CUX1: variants seen among roughly 807,000 people sequenced by gnomAD.
The protein encoded by CUX1 is protein CASP.
CUX1 carries 31 observed loss-of-function variants against 158.8 expected under a neutral mutation model. The ratio of observed to expected loss-of-function variants is 0.20; its 90% CI spans 0.15 to 0.26. The LOEUF is 0.26. Ranked by LOEUF, CUX1 falls within the 10% of genes least tolerant of loss-of-function variation. The pLI is 1.00. For synonymous variants in CUX1, 879 were observed against 862.1 expected, an observed-to-expected ratio of 1.02 and a Z score of -0.34; for missense variants, 1,589 against 2,014.6, an observed-to-expected ratio of 0.79 and a Z score of 4.04.
At chr7:102,142,974 C>A (rs1031759916) in intron 8 of CUX1, among the ~76,000 whole-genome samples, 1 of 152,042 alleles carries the variant, frequency 6.6e-6, no homozygotes, top group African/African-American at 2.4e-5. Flanking sequence ...AAGTAACAAC[C>A]GGTCCCCATT....
Position 102,225,596 on chromosome 7 carries a change from G to GCTC in CUX1, c.3131-1768_3131-1766dup, listed in dbSNP as rs199910681. On this transcript the variant is annotated intron_variant, in intron 20 of 23. Transcript: ENST00000292535. ...GTAAGACCCTTGGCCAGGCACAGTGGCTCCTGCCTGTAAACCCAGCACTTT... is the reference window on the plus strand; with the variant it reads ...GTAAGACCCTTGGCCAGGCACAGTGGCTCCTCCTGCCTGTAAACCCAGCACTTT... Among the ~76,000 whole-genome samples the GCTC allele has an allele frequency of 8.4e-3, 1,286 of 152,310 alleles. 9 individuals carry two copies. The highest frequency in any genetic ancestry group is 0.03 in the African/African-American group (1,229 of 41,562).
intron 4 of CUX1, among the ~76,000 whole-genome samples, chr7:102,085,538 G>C (rs1374926696): frequency 6.6e-6 from 1 of 152,110 alleles, no homozygotes; most frequent in Non-Finnish European, 1.5e-5. Context: ...ACTCCTTCCT[G>C]CTGCCATGTG....
In CUX1 at chr7:102,204,477, C is replaced by G. The variant is rs1795751980; in HGVS notation, c.2994C>G (p.Pro998=). 1.2e-6 allele frequency: 2 copies of G among 1,613,846 alleles called. No homozygotes were observed. Among genetic ancestry groups the G allele is most frequent in the Non-Finnish European group, 1.7e-6 (2 of 1,180,038 alleles). ...WSKLTQKGRE[P]FIRMQLWLNG... ...AGCTGACGCAGAAAGGCCGAGAACC[C>G]TTCATCCGGATGCAGCTCTGGCTGA... Residue 998 remains proline, a synonymous_variant, in exon 19 of 24, where the codon CCC becomes CCG. Transcript: ENST00000292535.
At chr7:102,039,808 A>G (rs958731478) in intron 3 of CUX1, among the ~76,000 whole-genome samples, 1 of 152,096 alleles carries the variant, frequency 6.6e-6, no homozygotes, top group Non-Finnish European at 1.5e-5. Context: ...AACTGTGTCC[A>G]TGCGCTTTGC....
Position 102,280,898 on chromosome 7 carries a change from G to A in CUX1, c.1821+38G>A, listed in dbSNP as rs565623731. The A allele has an allele frequency of 1.9e-5, 31 of 1,592,632 alleles. 2 individuals are homozygous for A. The South Asian group carries it at 3.2e-4, about 16-fold the overall frequency. ...CCCTACCCACCCCCTCCCTGGACAG[G>A]CCTGAGCCTCTGTCTCCAGGCACCT... is the stretch of plus-strand genomic sequence containing the variant. On this transcript the variant is annotated intron_variant, in intron 20 of 22. Coordinates refer to the CUX1 transcript ENST00000292538.
At chr7:101,982,858 C>G (rs1183325406) in intron 2 of CUX1, among the ~76,000 whole-genome samples, 6 of 150,606 alleles carry the variant, frequency 4.0e-5, no homozygotes. Flanking sequence ...TCTCCTAATG[C>G]TATCCCTCCC....
chr7:102,215,622 G>T (rs408425), intron 20 of CUX1, among the ~76,000 whole-genome samples: 22 of 152,096 alleles, frequency 1.4e-4, no homozygotes, highest in African/African-American at 5.3e-4. Flanking sequence ...TTAGGAGGAC[G>T]TGTAAAATAA....
intron 4 of CUX1, among the ~76,000 whole-genome samples, chr7:102,090,741 T>C (rs1300825166): frequency 6.6e-6 from 1 of 151,058 alleles, no homozygotes; most frequent in Non-Finnish European, 1.5e-5. Flanking sequence ...CTTATATTAA[T>C]TAACAAACGA....
At chr7:102,265,981 G>A (rs374568945) in intron 14 of CUX1, among the ~76,000 whole-genome samples, 2 of 152,102 alleles carry the variant, frequency 1.3e-5, no homozygotes, top group East Asian at 1.9e-4. Context: ...AGGTGGGTGG[G>A]TCACTTCAAG....
At chr7:102,068,405 C>G (rs1229815859) in intron 3 of CUX1, among the ~76,000 whole-genome samples, 1 of 151,638 alleles carries the variant, frequency 6.6e-6, no homozygotes, top group East Asian at 1.9e-4. Context: ...GCGTGAGCCA[C>G]CACACCTGGC....
intron 5 of CUX1, among the ~76,000 whole-genome samples, chr7:102,098,641 A>G (rs1013130247): frequency 3.8e-5 from 4 of 105,896 alleles, no homozygotes; most frequent in Non-Finnish European, 5.7e-5. Context: ...ATTGGCAAAG[A>G]CTTCTTTTTT....
chr7:101,831,683 C>A (rs1357961700), intron 1 of CUX1, among the ~76,000 whole-genome samples: 1 of 152,064 alleles, frequency 6.6e-6, no homozygotes, highest in South Asian at 2.1e-4. Flanking sequence ...AGGACTGATA[C>A]ACAAAGCCCC....
chr7:101,912,721 T>G (rs538741987), intron 1 of CUX1, among the ~76,000 whole-genome samples: 167 of 152,384 alleles, frequency 1.1e-3, no homozygotes, highest in African/African-American at 3.8e-3. Flanking sequence ...TTGGCTTGGA[T>G]GTATCTGATG....
At chr7:102,022,620 A>G (rs1819510130) in intron 2 of CUX1, among the ~76,000 whole-genome samples, 1 of 151,948 alleles carries the variant, frequency 6.6e-6, no homozygotes, top group African/African-American at 2.4e-5. Flanking sequence ...TCTCAAAAAA[A>G]AAAAAAAAGA....
intron 6 of CUX1, among the ~76,000 whole-genome samples, chr7:102,107,811 G>A (rs978216752): frequency 5.3e-5 from 8 of 152,290 alleles, no homozygotes; most frequent in East Asian, 1.9e-4. Context: ...TTGCCTCCCC[G>A]TCTGCTCCAT....
intron 3 of CUX1, among the ~76,000 whole-genome samples, chr7:102,038,031 C>CA (rs1821649576): frequency 7.4e-6 from 1 of 135,854 alleles, no homozygotes; most frequent in Admixed American, 7.9e-5. Context: ...GCCTGGGCGA[C>CA]AGAGTGAGAC....
rs1829309997 is a variant in CUX1, at chr7:102,097,388, G to A, written c.293G>A (p.Gly98Glu). Residue 98 changes from glycine (G) to glutamate (E), a missense_variant, in exon 5 of 24, where the codon GGA becomes GAA. This residue lies in a region of CUX1 where 515 missense variants were observed against 574.4 expected (regional missense o/e 0.90). Transcript: ENST00000292535. The stretch of plus-strand genomic sequence containing the variant: ...GATCCCGTACCAGCTTTGGATCTCG[G>A]ACAGCAACTCCAGCTCAAAGTGCAG... ...VPDPVPALDL[G>E]QQLQLKVQRL... 2 of 1,609,030 alleles carry A rather than the reference G, an allele frequency of 1.2e-6. No individual in the cohort carries two copies. Among genetic ancestry groups the A allele is most frequent in the Non-Finnish European group, 1.7e-6 (2 of 1,178,986 alleles).
In CUX1 at chr7:101,954,574, C is replaced by T. The variant is rs535635854; in HGVS notation, c.141+38349C>T. Among the ~76,000 whole-genome samples the T allele has an allele frequency of 3.3e-5, 5 of 152,182 alleles. No individual in the cohort carries two copies. The South Asian group carries it at 6.2e-4, about 19-fold the overall frequency. ...CTATAATCCCAGCACTTTGGGAGGCCGAGGCAGGCAGATCACTTGAGTGCA... is the reference window on the plus strand; with the variant it reads ...CTATAATCCCAGCACTTTGGGAGGCTGAGGCAGGCAGATCACTTGAGTGCA... On this transcript the variant is annotated intron_variant, in intron 2 of 23. Transcript: ENST00000292535.
chr7:101,903,268 C>T (rs1184401460), intron 1 of CUX1, among the ~76,000 whole-genome samples: 1 of 152,060 alleles, frequency 6.6e-6, no homozygotes, highest in Non-Finnish European at 1.5e-5. Flanking sequence ...CGGGGGAGGT[C>T]CCACTTTAAC....
Sources: gnomAD v4.1 joint callset for allele counts (sites outside exome capture counted in the v4.1 genomes callset) on GRCh38, gnomAD v4.1.1 for gene constraint, gnomAD v4.1.1 regional missense constraint, MANE v1.5 for transcripts, NCBI Gene and HGNC (gene_info 2026-07-23, HGNC 2026-07-21) for gene names.